UGCG: variants seen among roughly 807,000 people sequenced by gnomAD.
UGCG encodes the protein UDP-glucose ceramide glucosyltransferase.
UGCG carries 10 observed loss-of-function variants against 49.5 expected under a neutral mutation model. The ratio of observed to expected loss-of-function variants is 0.20; its 90% CI spans 0.12 to 0.34. The LOEUF (loss-of-function observed/expected upper bound fraction) is 0.34, where lower values mean the gene tolerates loss of function less well. UGCG is among the 10% of genes least tolerant of loss of function. UGCG has a pLI of 1.00. For missense variants in UGCG, 312 were observed against 483.7 expected (o/e 0.65, Z 3.33); for synonymous variants, 182 against 158.2 (o/e 1.15, Z -1.13).
Position 111,924,664 on chromosome 9 carries a change from G to T in UGCG, c.344-113G>T. On this transcript the variant is annotated intron_variant, in intron 3 of 8. Transcript: ENST00000374279. ...ATAGAGAATGTTAAATAATATGAAAGTATGTTTAATTATTAAATATGCAAG... is the reference window on the plus strand; with the variant it reads ...ATAGAGAATGTTAAATAATATGAAATTATGTTTAATTATTAAATATGCAAG... 3 of 414,604 alleles carry T rather than the reference G, an allele frequency of 7.2e-6. No homozygotes were observed. The South Asian group carries it at 1.5e-4, about 20-fold the overall frequency. The allele number at this position is 414,604 out of a possible 1,614,324, so 25.7% of individuals were successfully genotyped here.
chr9:111,901,426 A>T (rs930514362), intron 1 of UGCG, among the ~76,000 whole-genome samples: 1 of 152,206 alleles, frequency 6.6e-6, no homozygotes, highest in African/African-American at 2.4e-5. Flanking sequence ...CTACAGGGCT[A>T]CTTTCAGGGA....
chr9:111,928,039 T>C (rs1589529236), intron 5 of UGCG, among the ~76,000 whole-genome samples: 1 of 116,678 alleles, frequency 8.6e-6, no homozygotes, highest in Non-Finnish European at 2.0e-5. Context: ...GTTGTAATGT[T>C]ATAAGGACAG....
At chr9:111,917,861 G>A (rs1838136813) in intron 2 of UGCG, among the ~76,000 whole-genome samples, 1 of 152,216 alleles carries the variant, frequency 6.6e-6, no homozygotes, top group South Asian at 2.1e-4. Context: ...CAGCGTAGAA[G>A]GGATTTGGGG....
chr9:111,932,928 T>G lies in UGCG; in HGVS notation c.1116T>G (p.Thr372=). 2 of 1,613,108 alleles carry G rather than the reference T, an allele frequency of 1.2e-6. No individual in the cohort carries two copies. Among genetic ancestry groups the G allele is most frequent in the South Asian group, 2.2e-5 (2 of 90,928 alleles). Residue 372 remains threonine, a synonymous_variant, in exon 9 of 9, where the codon ACT becomes ACG. Coordinates refer to ENST00000374279, the MANE Select transcript of UGCG (RefSeq NM_003358.3). ...YIFLSALWDP[T]ISWRTGRYRL... ...TTTTGTCTGCATTATGGGACCCAAC[T>G]ATAAGCTGGAGAACTGGTCGCTACA...
Position 111,922,968 on chromosome 9 carries a change from G to A in UGCG, c.343+17G>A. 2 of 1,517,714 alleles carry A rather than the reference G, an allele frequency of 1.3e-6. No homozygotes were observed. The highest frequency in any genetic ancestry group is 1.1e-5 in the South Asian group (1 of 87,820). 94.0% of individuals were successfully genotyped at this position (1,517,714 alleles called of 1,614,324 possible). A position where few individuals can be genotyped will look rare whatever the true frequency, so the allele number is the denominator to read the frequency against. On this transcript the variant is annotated intron_variant, in intron 3 of 8. Coordinates refer to ENST00000374279, the MANE Select transcript of UGCG (RefSeq NM_003358.3). ...TGTTTATAGGTAAGTAACAAATTCT[G>A]TAGTAACCATTTTCCATTGATAGTA...
intron 1 of UGCG, among the ~76,000 whole-genome samples, chr9:111,910,780 C>T (rs1230085797): frequency 6.6e-6 from 1 of 152,150 alleles, no homozygotes; most frequent in Non-Finnish European, 1.5e-5. Flanking sequence ...GAGTCTCTCT[C>T]TGTTGCCCAC....
chr9:111,933,092 T>G lies in UGCG; in HGVS notation c.*95T>G. The G allele has an allele frequency of 8.5e-7, 1 of 1,173,548 alleles. No homozygotes were observed. The highest frequency in any genetic ancestry group is 1.1e-6 in the Non-Finnish European group (1 of 916,174). 72.7% of individuals were successfully genotyped at this position (1,173,548 alleles called of 1,614,324 possible). On this transcript the variant is annotated 3_prime_UTR_variant, in exon 9 of 9. Transcript: ENST00000374279. ...TAAAAATCTACCTTCTGTAGTTTTATCACATGTATGTTTTGGTATCTGTTC... is the reference window on the plus strand; with the variant it reads ...TAAAAATCTACCTTCTGTAGTTTTAGCACATGTATGTTTTGGTATCTGTTC...
At position 111,934,287 on chromosome 9, in the gene UGCG, C is replaced by T. The variant is rs950797999; in HGVS notation, c.*1290C>T. 9 of 151,644 alleles carry T rather than the reference C, an allele frequency of 5.9e-5. No homozygotes were observed. The highest frequency in any genetic ancestry group is 1.3e-4 in the Admixed American group (2 of 15,232). 9.4% of individuals were successfully genotyped at this position (151,644 alleles called of 1,614,324 possible). A position where few individuals can be genotyped will look rare whatever the true frequency, so the allele number is the denominator to read the frequency against. ...CCTCACTGTTTTCTCCCCATCATGC[C>T]GCTAAACTTGCTCGCCAGGTTGTGC... On this transcript the variant is annotated 3_prime_UTR_variant, in exon 9 of 9. Transcript: ENST00000374279.
In UGCG at chr9:111,932,861, C is replaced by G. The variant is rs375174805; in HGVS notation, c.1049C>G (p.Ala350Gly). ...GTLCFSKLDY[A>G]VAWFIRESMT... ...CTGTGTTTTTCAAAACTTGATTATG[C>G]AGTCGCCTGGTTCATCCGCGAATCC... The change falls in exon 9 of 9, where the codon GCA becomes GGA. Residue 350 changes from alanine (A) to glycine (G), a missense_variant. Physicochemically the swap from Ala to Gly is moderately conservative, Grantham distance 60. This residue lies in a region of UGCG where 180 missense variants were observed against 320.4 expected (regional missense o/e 0.56). Transcript: ENST00000374279. 1 of 1,606,438 alleles carries G rather than the reference C, an allele frequency of 6.2e-7. No individual in the cohort carries two copies. Among genetic ancestry groups the G allele is most frequent in the African/African-American group, 1.3e-5 (1 of 74,588 alleles).
At chr9:111,916,865 C>T (rs766444258) in intron 2 of UGCG, among the ~76,000 whole-genome samples, 5 of 151,826 alleles carry the variant, frequency 3.3e-5, no homozygotes, top group Admixed American at 6.6e-5. Context: ...AAGATTTTGG[C>T]CAGGCGTGGT....
At chr9:111,898,755 T>TA (rs1837712820) in intron 1 of UGCG, among the ~76,000 whole-genome samples, 1 of 152,194 alleles carries the variant, frequency 6.6e-6, no homozygotes, top group Non-Finnish European at 1.5e-5. Flanking sequence ...AAAACTACAT[T>TA]ACCTTGTTAA....
intron 2 of UGCG, among the ~76,000 whole-genome samples, chr9:111,918,666 G>T (rs1455710369): frequency 1.3e-5 from 2 of 152,126 alleles, no homozygotes; most frequent in African/African-American, 4.8e-5. Context: ...GGGGGCGGTG[G>T]CTCACGCCTG....
chr9:111,910,020 C>G (rs1394062017), intron 1 of UGCG, among the ~76,000 whole-genome samples: 2 of 152,150 alleles, frequency 1.3e-5, no homozygotes, highest in Non-Finnish European at 2.9e-5. Flanking sequence ...TATCCATAAA[C>G]CTAGAGAGGG....
chr9:111,914,942 C>A, intron 2 of UGCG, 196 bp downstream of exon 2: 2 of 659,752 alleles, frequency 3.0e-6, no homozygotes, highest in Non-Finnish European at 4.6e-6. Flanking sequence ...AATTCCCTTT[C>A]TAACCACCTA....
At chr9:111,905,438 T>C (rs1837862714) in intron 1 of UGCG, among the ~76,000 whole-genome samples, 1 of 151,910 alleles carries the variant, frequency 6.6e-6, no homozygotes, top group South Asian at 2.1e-4. Context: ...TCCCCACTTT[T>C]AGTCTCCTTC....
At chr9:111,900,505 TTC>T (rs1400720643) in intron 1 of UGCG, among the ~76,000 whole-genome samples, 1 of 151,626 alleles carries the variant, frequency 6.6e-6, no homozygotes, top group African/African-American at 2.4e-5. Context: ...TGTGTATTCT[TTC>T]TTTGATACAG....
At chr9:111,918,441 A>G (rs1838149777) in intron 2 of UGCG, among the ~76,000 whole-genome samples, 1 of 152,224 alleles carries the variant, frequency 6.6e-6, no homozygotes, top group Non-Finnish European at 1.5e-5. Flanking sequence ...CCTGGTTAAA[A>G]TCTGATACTT....
chr9:111,905,018 C>T (rs1285844525), intron 1 of UGCG, among the ~76,000 whole-genome samples: 2 of 152,046 alleles, frequency 1.3e-5, no homozygotes, highest in Non-Finnish European at 2.9e-5. Flanking sequence ...CTATGATTGC[C>T]ACTGCACTCC....
At chr9:111,914,227 G>A (rs956908661) in intron 1 of UGCG, among the ~76,000 whole-genome samples, 7 of 152,122 alleles carry the variant, frequency 4.6e-5, no homozygotes, top group African/African-American at 1.7e-4. Flanking sequence ...GCTATGCCTG[G>A]CATAGTTCTG....
Sources: allele counts gnomAD v4.1 joint callset (sites outside exome capture counted in the v4.1 genomes callset), GRCh38; gene constraint gnomAD v4.1.1; regional missense constraint gnomAD v4.1.1; transcripts MANE v1.5; gene names NCBI Gene and HGNC (gene_info 2026-07-23, HGNC 2026-07-21).